SMAD2: variants seen among roughly 807,000 people sequenced by gnomAD.
The protein encoded by SMAD2 is SMAD family member 2.
A neutral mutation model predicts 64.4 loss-of-function variants in SMAD2; 8 were observed. The ratio of observed to expected loss-of-function variants is 0.12; its 90% confidence interval spans 0.07 to 0.22. The LOEUF is 0.22. Among genes scored for constraint, SMAD2 ranks in the 10% least tolerant of loss-of-function variants. The probability of loss-of-function intolerance (pLI) is 1.00; values close to 1 mark genes in which losing one functional copy is unlikely to be tolerated. For synonymous variants in SMAD2, 203 were observed against 195.8 expected, an observed-to-expected ratio of 1.04 and a Z score of -0.31; for missense variants, 289 against 561.2, an observed-to-expected ratio of 0.51 and a Z score of 4.90.
rs569132241 is a variant in SMAD2, at chr18:47,813,084, C to G, written c.*28743G>C. On this transcript the variant is annotated 3_prime_UTR_variant, in exon 11 of 11. Coordinates refer to ENST00000262160, the MANE Select transcript of SMAD2 (RefSeq NM_005901.6). ...TACAAAAATTAGCCAGGTGTGGTGG[C>G]GGGCACCTGCAATCCCAGCTACTCA... The G allele has an allele frequency of 6.6e-6, 1 of 152,068 alleles. No homozygotes were observed. Among genetic ancestry groups the G allele is most frequent in the Non-Finnish European group, 1.5e-5 (1 of 68,088 alleles). The allele number at this position is 152,068 out of a possible 1,614,324, so 9.4% of individuals were successfully genotyped here. A position where few individuals can be genotyped will look rare whatever the true frequency, so the allele number is the denominator to read the frequency against.
At chr18:47,930,827 G>C (rs1030525597), upstream of SMAD2, 2 of 148,114 alleles carry the variant, frequency 1.4e-5, no homozygotes, top group African/African-American at 4.9e-5. Context: ...GCTGCTGGCT[G>C]GCGAGCTGCT....
At position 47,825,150 on chromosome 18, in the gene SMAD2, G is replaced by A. The variant is rs1034261466; in HGVS notation, c.*16677C>T. Reference sequence around the variant, plus strand: ...TGTTGTGGGACCATTCAAGATGAGCGTGGGGAAGGGAAGCCCATTTAAACA... The same window carrying A: ...TGTTGTGGGACCATTCAAGATGAGCATGGGGAAGGGAAGCCCATTTAAACA... On this transcript the variant is annotated 3_prime_UTR_variant, in exon 11 of 11. Transcript: ENST00000262160. The A allele has an allele frequency of 7.2e-5, 11 of 152,190 alleles. No homozygotes were observed. Among genetic ancestry groups the A allele is most frequent in the East Asian group, 1.9e-4 (1 of 5,194 alleles). 9.4% of individuals were successfully genotyped at this position (152,190 alleles called of 1,614,324 possible). A position where few individuals can be genotyped will look rare whatever the true frequency, so the allele number is the denominator to read the frequency against.
intron 1 of SMAD2, among the ~76,000 whole-genome samples, chr18:47,927,814 G>A (rs558651658): frequency 4.2e-4 from 64 of 152,302 alleles, no homozygotes; most frequent in African/African-American, 1.4e-3. Context: ...CAGGAGAAGC[G>A]CTTGAACCCA....
chr18:47,905,347 C>T (rs963406785), intron 1 of SMAD2, among the ~76,000 whole-genome samples: 1 of 152,008 alleles, frequency 6.6e-6, no homozygotes, highest in African/African-American at 2.4e-5. Flanking sequence ...CTTGAAGATT[C>T]ATATTGCTTA....
At chr18:47,917,675 CTT>C (rs1220078391) in intron 1 of SMAD2, among the ~76,000 whole-genome samples, 2 of 151,998 alleles carry the variant, frequency 1.3e-5, no homozygotes, top group Non-Finnish European at 2.9e-5. Flanking sequence ...TAATGGAAAA[CTT>C]TAACTCATCA....
intron 6 of SMAD2, among the ~76,000 whole-genome samples, chr18:47,857,879 T>A (rs2030853561): frequency 1.3e-5 from 2 of 152,170 alleles, no homozygotes; most frequent in Non-Finnish European, 2.9e-5. Flanking sequence ...TGGAAAGAAA[T>A]AAGAATATGC....
At chr18:47,900,493 T>C (rs2033640697) in intron 1 of SMAD2, among the ~76,000 whole-genome samples, 1 of 152,106 alleles carries the variant, frequency 6.6e-6, no homozygotes, top group Non-Finnish European at 1.5e-5. Context: ...ATGTTCTCTC[T>C]CCCCCTCCCC....
In SMAD2 at chr18:47,813,915, C is replaced by G. The variant is rs984042323; in HGVS notation, c.*27912G>C. The G allele has an allele frequency of 1.3e-5, 2 of 151,978 alleles. No individual in the cohort carries two copies. Among genetic ancestry groups the G allele is most frequent in the Non-Finnish European group, 2.9e-5 (2 of 68,028 alleles). The allele number at this position is 151,978 out of a possible 1,614,324, so 9.4% of individuals were successfully genotyped here. ...GATAGGCCTAATTATGATGAATGCT[C>G]TCTTACCAGTATAAACAAATTACAA... On this transcript the variant is annotated 3_prime_UTR_variant, in exon 11 of 11. Transcript: ENST00000262160.
At chr18:47,857,305 T>C (rs1043614126) in intron 6 of SMAD2, among the ~76,000 whole-genome samples, 6 of 152,066 alleles carry the variant, frequency 3.9e-5, no homozygotes, top group African/African-American at 7.2e-5. Context: ...TTATGAAATA[T>C]ATAATGCATG....
intron 1 of SMAD2, among the ~76,000 whole-genome samples, chr18:47,898,676 T>C (rs2033549684): frequency 6.6e-6 from 1 of 151,676 alleles, no homozygotes; most frequent in Non-Finnish European, 1.5e-5. Flanking sequence ...TTTTTTTAAA[T>C]ATTCCCTCTT....
At chr18:47,907,032 A>G (rs979762648) in intron 1 of SMAD2, among the ~76,000 whole-genome samples, 6 of 152,322 alleles carry the variant, frequency 3.9e-5, no homozygotes, top group Admixed American at 2.6e-4. Context: ...TAGAACCTGA[A>G]TATCTTTGGA....
At chr18:47,928,401 A>G (rs1039843071) in intron 1 of SMAD2, among the ~76,000 whole-genome samples, 2 of 152,228 alleles carry the variant, frequency 1.3e-5, no homozygotes, top group Non-Finnish European at 2.9e-5. Flanking sequence ...AATGTGAAGT[A>G]AAGATTATAG....
At chr18:47,926,186 C>G (rs4939672) in intron 1 of SMAD2, among the ~76,000 whole-genome samples, 95,210 of 152,092 alleles carry the variant, frequency 0.63, 31,024 homozygotes, top group East Asian at 0.84. Flanking sequence ...GTCATAACAG[C>G]TACTGTGATC....
intron 1 of SMAD2, among the ~76,000 whole-genome samples, chr18:47,909,402 G>C (rs1358375125): frequency 6.6e-6 from 1 of 152,168 alleles, no homozygotes; most frequent in Admixed American, 6.5e-5. Flanking sequence ...AACCAAAGTA[G>C]ATGAGTTAGT....
chr18:47,907,927 G>A (rs1389404519), intron 1 of SMAD2, among the ~76,000 whole-genome samples: 4 of 152,300 alleles, frequency 2.6e-5, no homozygotes, highest in South Asian at 4.1e-4. Context: ...GAGAGAGTGA[G>A]ACTCTATCTC....
intron 1 of SMAD2, among the ~76,000 whole-genome samples, chr18:47,910,892 G>A: frequency 6.6e-6 from 1 of 152,032 alleles, no homozygotes; most frequent in East Asian, 1.9e-4. Flanking sequence ...TCACTGTGCA[G>A]GACAGCACCC....
intron 7 of SMAD2, among the ~76,000 whole-genome samples, chr18:47,850,583 A>G (rs1598760465): frequency 2.1e-5 from 1 of 46,898 alleles, no homozygotes; most frequent in Non-Finnish European, 3.4e-5. Context: ...TATATATTAT[A>G]TATATATTAT....
intron 5 of SMAD2, among the ~76,000 whole-genome samples, chr18:47,866,194 T>A (rs1365479477): frequency 1.3e-5 from 2 of 151,438 alleles, no homozygotes; most frequent in Admixed American, 6.6e-5. Flanking sequence ...TGCATCCCTA[T>A]AATTCCAGTT....
intron 2 of SMAD2, among the ~76,000 whole-genome samples, chr18:47,873,299 A>G (rs1479986436): frequency 2.0e-5 from 3 of 152,178 alleles, no homozygotes; most frequent in Non-Finnish European, 2.9e-5. Context: ...CATTTTAAAC[A>G]TAACTAAAGA....
Sources: gnomAD v4.1 joint callset for allele counts (sites outside exome capture counted in the v4.1 genomes callset) on GRCh38, gnomAD v4.1.1 for gene constraint, MANE v1.5 for transcripts, NCBI Gene and HGNC (gene_info 2026-07-23, HGNC 2026-07-21) for gene names.